Variants in KCNQ5 observed in about 807,000 individuals in gnomAD.
The protein encoded by KCNQ5 is potassium voltage-gated channel subfamily Q member 5.
In KCNQ5, 30 loss-of-function variants were observed where a neutral mutation model predicts 98.2. That is an observed-to-expected ratio of 0.31 (90% CI 0.23 to 0.41). The LOEUF (loss-of-function observed/expected upper bound fraction) is 0.41. Among genes scored for constraint, KCNQ5 ranks in the 10% least tolerant of loss-of-function variants. KCNQ5 has a pLI of 1.00. For synonymous variants in KCNQ5, 458 were observed against 449.4 expected, an observed-to-expected ratio of 1.02 and a Z score of -0.24; for missense variants, 835 against 1,182.5, an observed-to-expected ratio of 0.71 and a Z score of 4.31.
intron 2 of KCNQ5, among the ~76,000 whole-genome samples, chr6:73,034,000 T>C (rs1426913488): frequency 6.6e-6 from 1 of 152,242 alleles, no homozygotes; most frequent in African/African-American, 2.4e-5. Flanking sequence ...GTTTTTAGGA[T>C]ATTTTTCTGC....
chr6:72,935,206 G>GAT (rs1017139354), intron 1 of KCNQ5, among the ~76,000 whole-genome samples: 6 of 151,416 alleles, frequency 4.0e-5, no homozygotes, highest in African/African-American at 1.5e-4. Flanking sequence ...AAGTAGCTGA[G>GAT]ATTACAGGTG....
chr6:72,866,217 C>T (rs1448138101), intron 1 of KCNQ5, among the ~76,000 whole-genome samples: 1 of 151,076 alleles, frequency 6.6e-6, no homozygotes, highest in Non-Finnish European at 1.5e-5. Context: ...CAGAATTTCC[C>T]CATCATGCTT....
intron 7 of KCNQ5, among the ~76,000 whole-genome samples, chr6:73,117,442 G>A (rs1775553226): frequency 6.6e-6 from 1 of 152,168 alleles, no homozygotes; most frequent in East Asian, 1.9e-4. Context: ...TTAGCTGTTG[G>A]GATCAATTTG....
intron 6 of KCNQ5, among the ~76,000 whole-genome samples, chr6:73,107,685 C>T (rs960304292): frequency 6.6e-6 from 1 of 152,096 alleles, no homozygotes; most frequent in Non-Finnish European, 1.5e-5. Flanking sequence ...AGTTAAAGGT[C>T]AGAGACTAAG....
At position 73,012,599 on chromosome 6, in the gene KCNQ5, C is replaced by T. The variant is rs370133207; in HGVS notation, c.489+8601C>T. On this transcript the variant is annotated intron_variant, in intron 2 of 13. Coordinates refer to ENST00000370398, the MANE Select transcript of KCNQ5 (RefSeq NM_019842.4). ...GTATTTAATACCACACTGAACCATA[C>T]TTTAAAATGGTTAAACTGTAAATTT... Among the ~76,000 whole-genome samples the T allele has an allele frequency of 2.6e-5, 4 of 151,998 alleles. No individual in the cohort carries two copies. The East Asian group carries it at 5.8e-4, about 22-fold the overall frequency.
At chr6:72,674,769 CTAAATAAA>C (rs999604879) in intron 1 of KCNQ5, among the ~76,000 whole-genome samples, 2 of 151,766 alleles carry the variant, frequency 1.3e-5, no homozygotes, top group Non-Finnish European at 2.9e-5. Context: ...GATCCTGTCT[CTAAATAAA>C]TAAATAAATA....
chr6:73,039,626 G>T (rs1582238939), intron 2 of KCNQ5, among the ~76,000 whole-genome samples: 1 of 152,076 alleles, frequency 6.6e-6, no homozygotes, highest in East Asian at 1.9e-4. Flanking sequence ...AGATTTGCTT[G>T]TTGTCTTTCT....
chr6:73,137,899 C>T (rs1352198479), intron 10 of KCNQ5, among the ~76,000 whole-genome samples: 4 of 152,154 alleles, frequency 2.6e-5, no homozygotes, highest in Admixed American at 6.5e-5. Flanking sequence ...ACCCCCACCA[C>T]CCTCTTCTTG....
intron 3 of KCNQ5, among the ~76,000 whole-genome samples, chr6:73,068,646 G>A (rs1773170947): frequency 6.6e-6 from 1 of 152,160 alleles, no homozygotes; most frequent in Non-Finnish European, 1.5e-5. Flanking sequence ...TTAAGCAGCA[G>A]AGCCAGGATT....
chr6:73,168,945 T>G (rs1392034034), intron 10 of KCNQ5, among the ~76,000 whole-genome samples: 1 of 152,210 alleles, frequency 6.6e-6, no homozygotes, highest in Non-Finnish European at 1.5e-5. Flanking sequence ...TTTAAAGTTG[T>G]CTAATATTCC....
chr6:72,764,367 A>G (rs1035118693), intron 1 of KCNQ5, among the ~76,000 whole-genome samples: 1 of 152,052 alleles, frequency 6.6e-6, no homozygotes, highest in African/African-American at 2.4e-5. Context: ...TGACAAATAA[A>G]TATTAAGTAT....
intron 10 of KCNQ5, among the ~76,000 whole-genome samples, chr6:73,155,411 G>C (rs772316495): frequency 3.3e-5 from 5 of 152,126 alleles, no homozygotes; most frequent in African/African-American, 4.8e-5. Flanking sequence ...AATAAGAAAA[G>C]CAACGAGGAT....
At chr6:73,107,977 G>C (rs1158167098) in intron 6 of KCNQ5, among the ~76,000 whole-genome samples, 1 of 152,160 alleles carries the variant, frequency 6.6e-6, no homozygotes. Flanking sequence ...CCAACCAAAA[G>C]AGTTGTCTGA....
At position 72,935,037 on chromosome 6, in the gene KCNQ5, T is replaced by C. The variant is rs1053927866; in HGVS notation, c.399-68871T>C. On this transcript the variant is annotated intron_variant, in intron 1 of 13. Transcript: ENST00000370398. ...TCTCAACAAAACTTCCAACTTTAAC[T>C]GAATCCATATATTGGCCTTGTTCTA... Among the ~76,000 whole-genome samples, 139 of 151,132 alleles carry C rather than the reference T, an allele frequency of 9.2e-4. 9 individuals carry two copies. Among genetic ancestry groups the C allele is most frequent in the Non-Finnish European group, 1.5e-5 (1 of 67,708 alleles).
chr6:72,839,882 A>G (rs1295115358), intron 1 of KCNQ5, among the ~76,000 whole-genome samples: 3 of 152,134 alleles, frequency 2.0e-5, no homozygotes, highest in Non-Finnish European at 1.5e-5. Flanking sequence ...TGTGCCATAG[A>G]TCTCAAAAAC....
intron 3 of KCNQ5, chr6:73,043,192 T>C (rs748222795): frequency 1.7e-5 from 7 of 408,888 alleles, no homozygotes; most frequent in Non-Finnish European, 3.6e-5. Context: ...GAAGAATCCT[T>C]TATTCCATAC....
At chr6:73,173,837 T>C (rs1778106460) in intron 11 of KCNQ5, among the ~76,000 whole-genome samples, 1 of 151,832 alleles carries the variant, frequency 6.6e-6, no homozygotes, top group East Asian at 1.9e-4. Flanking sequence ...TTGAAAGTCA[T>C]ATACAACTGC....
At chr6:73,080,399 C>G (rs1324245508) in intron 5 of KCNQ5, among the ~76,000 whole-genome samples, 7 of 151,994 alleles carry the variant, frequency 4.6e-5, no homozygotes, top group African/African-American at 1.7e-4. Context: ...TGGTCCGTAG[C>G]AGGTTTGTTG....
At chr6:73,150,010 A>G (rs1431498498) in intron 10 of KCNQ5, among the ~76,000 whole-genome samples, 14 of 149,966 alleles carry the variant, frequency 9.3e-5, no homozygotes, top group African/African-American at 3.3e-4. Context: ...CACAGGGGAA[A>G]AAAAAAAAAA....
Sources: allele counts gnomAD v4.1 joint callset (sites outside exome capture counted in the v4.1 genomes callset), GRCh38; gene constraint gnomAD v4.1.1; transcripts MANE v1.5; gene names NCBI Gene and HGNC (gene_info 2026-07-23, HGNC 2026-07-21).